Variants in TBC1D5 observed in about 807,000 individuals in gnomAD.
TBC1D5 encodes TBC1 domain family, member 5.
A neutral mutation model predicts 100.3 loss-of-function variants in TBC1D5; 75 were observed. That is an observed-to-expected ratio of 0.75 (90% CI 0.62 to 0.91). The LOEUF (loss-of-function observed/expected upper bound fraction) is 0.91, where lower values mean the gene tolerates loss of function less well. TBC1D5 is among the 40% of genes least tolerant of loss of function. TBC1D5 has a pLI of 0.00. For missense variants in TBC1D5, 910 were observed against 942.4 expected (o/e 0.97, Z 0.45); for synonymous variants, 323 against 325.6 (o/e 0.99, Z 0.09).
chr3:17,320,455 A>G (rs2085266855), intron 13 of TBC1D5, among the ~76,000 whole-genome samples: 1 of 152,218 alleles, frequency 6.6e-6, no homozygotes, highest in Non-Finnish European at 1.5e-5. Flanking sequence ...TTAAGAGTGT[A>G]TAAGAGGATA....
intron 13 of TBC1D5, among the ~76,000 whole-genome samples, chr3:17,330,410 A>G (rs2086723085): frequency 1.3e-5 from 2 of 151,914 alleles, no homozygotes; most frequent in African/African-American, 4.8e-5. Flanking sequence ...GCCCTCAATC[A>G]TCTCTCTCAA....
intron 1 of TBC1D5, among the ~76,000 whole-genome samples, chr3:17,731,504 CAAAA>C (rs11306215): frequency 2.2e-5 from 2 of 90,834 alleles, no homozygotes; most frequent in Non-Finnish European, 2.2e-5. Context: ...GACTCTGTCT[CAAAA>C]AAAAAAAAAA....
At chr3:17,739,210 C>G (rs2077199910) in intron 1 of TBC1D5, 1 of 152,230 alleles carries the variant, frequency 6.6e-6, no homozygotes, top group Admixed American at 6.5e-5. Flanking sequence ...GTCTCAGGAT[C>G]AGGTGGACTA....
At chr3:17,456,301 G>A (rs1446603016) in intron 3 of TBC1D5, among the ~76,000 whole-genome samples, 2 of 152,080 alleles carry the variant, frequency 1.3e-5, no homozygotes, top group African/African-American at 2.4e-5. Flanking sequence ...TGACAAATGG[G>A]ATCACATCAA....
intron 1 of TBC1D5, among the ~76,000 whole-genome samples, chr3:17,656,323 T>G (rs2066058692): frequency 2.6e-5 from 4 of 152,188 alleles, no homozygotes; most frequent in African/African-American, 9.7e-5. Flanking sequence ...TCAAATTTTC[T>G]GTGCCTCTCA....
rs11299814 is a variant in TBC1D5 at position 17,467,286 on chromosome 3, C to CT, written c.98-38768dup. On this transcript the variant is annotated intron_variant, in intron 3 of 21. Coordinates refer to ENST00000253692, the Ensembl canonical transcript of TBC1D5. ...TAGGGCCCAGCTTCTGCCAGACCTT[C>CT]TTTTTTTTTTTTTTTTTTGATCTTT... Among the ~76,000 whole-genome samples, 153 of 121,252 alleles carry CT rather than the reference C, an allele frequency of 1.3e-3. 2 individuals carry two copies. Among genetic ancestry groups the CT allele is most frequent in the African/African-American group, 4.6e-3 (146 of 31,702 alleles). The allele number at this position is 121,252 out of a possible 152,430, so 79.5% of individuals were successfully genotyped here. A position where few individuals can be genotyped will look rare whatever the true frequency, so the allele number is the denominator to read the frequency against.
intron 2 of TBC1D5, among the ~76,000 whole-genome samples, chr3:17,532,325 G>A (rs1253810314): frequency 6.6e-6 from 1 of 152,208 alleles, no homozygotes; most frequent in Non-Finnish European, 1.5e-5. Flanking sequence ...TCATTAAAAA[G>A]TCAGGAAACA....
At chr3:17,591,576 G>C (rs1025021301) in intron 2 of TBC1D5, among the ~76,000 whole-genome samples, 1 of 152,146 alleles carries the variant, frequency 6.6e-6, no homozygotes, top group Non-Finnish European at 1.5e-5. Context: ...TTAAAGTAGG[G>C]GCTTATGGAG....
intron 15 of TBC1D5, among the ~76,000 whole-genome samples, chr3:17,265,038 A>C (rs1212449783): frequency 6.6e-6 from 1 of 152,226 alleles, no homozygotes; most frequent in Non-Finnish European, 1.5e-5. Context: ...TGAATGCTGG[A>C]TCTCATGTGA....
chr3:17,572,544 T>A (rs1241312969), intron 2 of TBC1D5, among the ~76,000 whole-genome samples: 1 of 151,990 alleles, frequency 6.6e-6, no homozygotes, highest in East Asian at 1.9e-4. Context: ...CCTCTGACAG[T>A]CAGCTCTTCA....
intron 1 of TBC1D5, among the ~76,000 whole-genome samples, chr3:17,714,769 G>T (rs2075077804): frequency 6.6e-6 from 1 of 152,138 alleles, no homozygotes; most frequent in Non-Finnish European, 1.5e-5. Context: ...AGGAGTTCCA[G>T]CCTGGGCAAC....
At chr3:17,684,095 T>C (rs1029236385) in intron 1 of TBC1D5, among the ~76,000 whole-genome samples, 5 of 152,002 alleles carry the variant, frequency 3.3e-5, no homozygotes, top group Non-Finnish European at 4.4e-5. Flanking sequence ...TTCTTTCTTT[T>C]TTTTTCAAAA....
At chr3:17,300,342 AGCAAT>A (rs1297661613) in intron 14 of TBC1D5, among the ~76,000 whole-genome samples, 1 of 152,232 alleles carries the variant, frequency 6.6e-6, no homozygotes, top group African/African-American at 2.4e-5. Context: ...ATCACTGTTA[AGCAAT>A]GCTTTTCCAG....
chr3:17,498,811 G>A (rs539171964), intron 3 of TBC1D5, among the ~76,000 whole-genome samples: 2 of 152,096 alleles, frequency 1.3e-5, no homozygotes, highest in African/African-American at 2.4e-5. Flanking sequence ...TGTAGTGTTA[G>A]TAAAATATTT....
chr3:17,187,896 C>T (rs1182470465), intron 18 of TBC1D5, among the ~76,000 whole-genome samples: 2 of 152,198 alleles, frequency 1.3e-5, no homozygotes, highest in Non-Finnish European at 2.9e-5. Flanking sequence ...TTACTCCATG[C>T]ATTAGTTTAA....
intron 2 of TBC1D5, among the ~76,000 whole-genome samples, chr3:17,611,724 T>A (rs1427587140): frequency 6.6e-6 from 1 of 151,938 alleles, no homozygotes; most frequent in East Asian, 1.9e-4. Context: ...GATGAGAAAA[T>A]AAAGATGAAA....
In TBC1D5 at chr3:17,464,114, G is replaced by A. The variant is rs145559087; in HGVS notation, c.98-35595C>T. On this transcript the variant is annotated intron_variant, in intron 3 of 21. Transcript: ENST00000253692. ...TTACAGGCATGCGCCAACACACCCC[G>A]TTAATTTTGTAGTTTTAGTAGAGAC... is the stretch of plus-strand genomic sequence containing the variant. Among the ~76,000 whole-genome samples, 17 of 151,942 alleles carry A rather than the reference G, an allele frequency of 1.1e-4. 1 individual carries two copies. The East Asian group carries it at 2.5e-3, about 22-fold the overall frequency.
intron 18 of TBC1D5, among the ~76,000 whole-genome samples, chr3:17,186,414 A>C (rs536179174): frequency 6.6e-6 from 1 of 152,310 alleles, no homozygotes; most frequent in South Asian, 2.1e-4. Flanking sequence ...CTGGACACAG[A>C]AAACAGAAGT....
chr3:17,403,248 T>C (rs958960526), exon 8 of TBC1D5: 1 of 1,584,166 alleles, frequency 6.3e-7, no homozygotes, highest in Non-Finnish European at 8.6e-7. Context: ...TTCCAAAGAC[T>C]CTGAAATAAG....
Sources: allele counts gnomAD v4.1 joint callset (sites outside exome capture counted in the v4.1 genomes callset), GRCh38; gene constraint gnomAD v4.1.1; transcripts MANE v1.5; gene names NCBI Gene and HGNC (gene_info 2026-07-23, HGNC 2026-07-21).